The following ADAMTS13 variants were observed in gnomAD, a reference collection of about 807,000 sequenced individuals.
The protein encoded by ADAMTS13 is A disintegrin and metalloproteinase with thrombospondin motifs 13.
A neutral mutation model predicts 155.1 loss-of-function variants in ADAMTS13; 110 were observed. That is an observed-to-expected ratio of 0.71 (90% CI 0.61 to 0.83). The LOEUF is 0.83. Among genes scored for constraint, ADAMTS13 ranks in the 40% least tolerant of loss-of-function variants. The pLI, the probability that ADAMTS13 is intolerant of heterozygous loss-of-function variation, is 0.00. For synonymous variants in ADAMTS13, 758 were observed against 756.4 expected (o/e 1.00, Z -0.03); for missense variants, 1,707 against 1,891.7 (o/e 0.90, Z 1.81).
intron 8 of ADAMTS13, among the ~76,000 whole-genome samples, chr9:133,430,481 A>G (rs1005516893): frequency 6.6e-6 from 1 of 152,074 alleles, no homozygotes; most frequent in African/African-American, 2.4e-5. Context: ...CCCACAGCAG[A>G]AGTGGGGCTG....
upstream of ADAMTS13, among the ~76,000 whole-genome samples, chr9:133,421,198 G>A (rs1055469414): frequency 9.9e-5 from 15 of 152,164 alleles, no homozygotes; most frequent in African/African-American, 3.6e-4. Flanking sequence ...CCTGGGTGGC[G>A]GAGGTTGCAG....
chr9:133,421,618 C>G (rs1464936868), upstream of ADAMTS13, among the ~76,000 whole-genome samples: 2 of 152,138 alleles, frequency 1.3e-5, no homozygotes, highest in Non-Finnish European at 2.9e-5. Flanking sequence ...TTCAGGGGCT[C>G]AGTGAAACAT....
Position 133,445,767 on chromosome 9 carries a change from T to A in ADAMTS13, c.2679T>A (p.Ala893=). ...PWGSIRTGAQ[A]AHVWTPAAGS... ...GCAGCATCAGGACGGGGGCTCAAGC[T>A]GCACACGTGTGGACCCCTGCGGCAG... Residue 893 remains alanine, a synonymous_variant, in exon 21 of 29, where the codon GCT becomes GCA. Transcript: ENST00000355699. This position sits in a 1 kb window ranked among gnomAD's most constrained non-coding sequence, Gnocchi z 5.0. 1 of 1,608,072 alleles carries A rather than the reference T, an allele frequency of 6.2e-7. No homozygotes were observed. The highest frequency in any genetic ancestry group is 8.5e-7 in the Non-Finnish European group (1 of 1,176,088).
rs1015807098 is a variant in ADAMTS13 at position 133,425,973 on chromosome 9, C to T, written c.450C>T (p.Ser150=). ...ATATCACAGCCAACCTCACCTCGTC[C>T]CTGCTGAGCGTCTGTGGGTGGAGCC... ...APNITANLTS[S]LLSVCGWSQT... The change falls in exon 5 of 29, where the codon TCC becomes TCT. Residue 150 remains serine (S), a synonymous_variant. Coordinates refer to ENST00000355699, the MANE Select transcript of ADAMTS13 (RefSeq NM_139027.6). This position sits in a 1 kb window ranked among gnomAD's most constrained non-coding sequence, Gnocchi z 4.6. 6 of 1,613,806 alleles carry T rather than the reference C, an allele frequency of 3.7e-6. No homozygotes were observed. The African/African-American group carries it at 4.0e-5, about 11-fold the overall frequency.
upstream of ADAMTS13, chr9:133,417,604 C>A: frequency 6.2e-7 from 1 of 1,610,830 alleles, no homozygotes. Context: ...TCCGCCCGGG[C>A]CCCCTCAAGC....
chr9:133,430,294 C>T (rs1840655627), intron 8 of ADAMTS13, 193 bp downstream of exon 8: 2 of 831,404 alleles, frequency 2.4e-6, no homozygotes, highest in African/African-American at 1.7e-5. Flanking sequence ...AAAGCTCCAA[C>T]ATTTTTGTTT....
intron 7 of ADAMTS13, 79 bp from the exon 8 acceptor site, chr9:133,429,860 T>A: frequency 6.6e-7 from 1 of 1,517,088 alleles, no homozygotes; most frequent in Non-Finnish European, 8.8e-7. Flanking sequence ...GCTTCCATCC[T>A]CGTGCCCACT....
At chr9:133,452,554 G>A (rs1842497076) in intron 23 of ADAMTS13, among the ~76,000 whole-genome samples, 1 of 152,054 alleles carries the variant, frequency 6.6e-6, no homozygotes, top group South Asian at 2.1e-4. Context: ...GGATTTTATG[G>A]GAATTGCAGG....
At chr9:133,435,943 T>C (rs1841169622) in intron 11 of ADAMTS13, among the ~76,000 whole-genome samples, 1 of 151,792 alleles carries the variant, frequency 6.6e-6, no homozygotes, top group African/African-American at 2.4e-5. Flanking sequence ...CTGCAGCACT[T>C]GCTGTTTTCT....
intron 7 of ADAMTS13, 112 bp from the exon 8 acceptor site, chr9:133,429,827 C>T: frequency 7.1e-7 from 1 of 1,412,084 alleles, no homozygotes; most frequent in Non-Finnish European, 9.7e-7. Context: ...TGTTCCCACT[C>T]ACAAAAGGCC....
At chr9:133,423,023 A>G (rs1588149609) in intron 1 of ADAMTS13, 78 bp from the exon 2 acceptor site, 1 of 1,260,638 alleles carries the variant, frequency 7.9e-7, no homozygotes, top group Middle Eastern at 2.1e-4. Flanking sequence ...TGATCCTCCC[A>G]CCTCGGTCTC....
intron 14 of ADAMTS13, 70 bp downstream of exon 14, chr9:133,438,436 T>C (rs1841414255): frequency 1.3e-6 from 2 of 1,599,552 alleles, no homozygotes; most frequent in African/African-American, 2.7e-5. Flanking sequence ...CCCAGAGCGT[T>C]GGTGCAGGGG....
rs782373045 is a variant in ADAMTS13 at position 133,445,676 on chromosome 9, C to T, written c.2611-23C>T. The T allele has an allele frequency of 6.2e-7, 1 of 1,612,678 alleles. No individual in the cohort carries two copies. Among genetic ancestry groups the T allele is most frequent in the Admixed American group, 1.7e-5 (1 of 60,012 alleles). On this transcript the variant is annotated intron_variant, in intron 20 of 28. Transcript: ENST00000355699. The surrounding 1 kb of genome is among the most constrained non-coding windows in gnomAD (Gnocchi z 5.0). ...GTCCTCAGAGGAGGCCCAGACCCAC[C>T]AGCTTGTTGCTATTCCCCACAGCTG...
At chr9:133,433,611 C>A in intron 10 of ADAMTS13, 30 bp from the exon 11 acceptor site, 1 of 1,613,934 alleles carries the variant, frequency 6.2e-7, no homozygotes, top group Non-Finnish European at 8.5e-7. Flanking sequence ...ACCCTGCTCT[C>A]TCACCCTCCT....
chr9:133,446,998 T>C (rs3094377), intron 21 of ADAMTS13, among the ~76,000 whole-genome samples: 146,661 of 152,284 alleles, frequency 0.96, 70,671 homozygotes, highest in East Asian at 1. Context: ...GCTAGGACTA[T>C]AGGCGTCTGC....
chr9:133,447,370 C>T (rs1745398481), intron 21 of ADAMTS13, among the ~76,000 whole-genome samples: 1 of 152,160 alleles, frequency 6.6e-6, no homozygotes, highest in Admixed American at 6.5e-5. Flanking sequence ...TAGCTCACTA[C>T]AACCTCCACC....
At position 133,425,384 on chromosome 9, in the gene ADAMTS13, GC is replaced by G. The variant is rs938344603; in HGVS notation, c.331-139del. ...GCTGACTGTGCAGCACATTTTAGGAGCCCCCCGCCCCGCCCGGTTCCCACAC... is the reference window on the plus strand; with the variant it reads ...GCTGACTGTGCAGCACATTTTAGGAGCCCCCGCCCCGCCCGGTTCCCACAC... On this transcript the variant is annotated intron_variant, in intron 3 of 28. Coordinates refer to ENST00000355699, the MANE Select transcript of ADAMTS13 (RefSeq NM_139027.6). The surrounding 1 kb of genome is among the most constrained non-coding windows in gnomAD (Gnocchi z 4.6). 4.6e-6 allele frequency: 3 copies of G among 658,716 alleles called. No individual in the cohort carries two copies. Among genetic ancestry groups the G allele is most frequent in the Non-Finnish European group, 7.9e-6 (3 of 381,230 alleles). The allele number at this position is 658,716 out of a possible 1,614,324, so 40.8% of individuals were successfully genotyped here. A position where few individuals can be genotyped will look rare whatever the true frequency, so the allele number is the denominator to read the frequency against.
chr9:133,454,780 CAG>C (rs1262126427), intron 24 of ADAMTS13, among the ~76,000 whole-genome samples, 161 bp downstream of exon 24: 1 of 152,182 alleles, frequency 6.6e-6, no homozygotes, highest in Non-Finnish European at 1.5e-5. Flanking sequence ...GGCAGAGAGA[CAG>C]AGGGCCTAGA....
Position 133,433,457 on chromosome 9 carries a change from G to T in ADAMTS13, c.1172G>T (p.Gly391Val). Reference sequence around the variant, plus strand: ...GTGCATGGGCGCTGGTCTAGCTGGGGTCCCCGAAGTCCTTGCTCCCGCTCC... The same window carrying T: ...GTGCATGGGCGCTGGTCTAGCTGGGTTCCCCGAAGTCCTTGCTCCCGCTCC... ...AAVHGRWSSW[G>V]PRSPCSRSCG... Residue 391 changes from glycine to valine, a missense_variant, in exon 10 of 29, where the codon GGT (glycine) becomes GTT (valine). Gly to Val is a moderately radical substitution (Grantham distance 109, BLOSUM62 -3). Transcript: ENST00000355699. The T allele has an allele frequency of 6.2e-7, 1 of 1,613,546 alleles. No homozygotes were observed.
Sources: allele counts gnomAD v4.1 joint callset (sites outside exome capture counted in the v4.1 genomes callset), GRCh38; gene constraint gnomAD v4.1.1; non-coding constraint Gnocchi (gnomAD v3.1); transcripts MANE v1.5; gene names NCBI Gene and HGNC (gene_info 2026-07-23, HGNC 2026-07-21).